The following HYDIN variants were observed in gnomAD, a reference collection of about 807,000 sequenced individuals.
The protein encoded by HYDIN is HYDIN axonemal central pair apparatus protein, also known as axonemal central pair apparatus protein HYDIN.
In HYDIN, 132 loss-of-function variants were observed where a neutral mutation model predicts 403.9. The ratio of observed to expected loss-of-function variants is 0.33; its 90% CI spans 0.28 to 0.38. HYDIN has a LOEUF of 0.38. Ranked by LOEUF, HYDIN falls within the 10% of genes least tolerant of loss-of-function variation. The pLI is 1.00. For synonymous variants in HYDIN, 1,202 were observed against 1,891.7 expected, an observed-to-expected ratio of 0.64 and a Z score of 9.46; for missense variants, 2,827 against 5,009.5, an observed-to-expected ratio of 0.56 and a Z score of 13.15.
chr16:71,126,611 G>T (rs2084472073), intron 9 of HYDIN, among the ~76,000 whole-genome samples: 1 of 151,254 alleles, frequency 6.6e-6, no homozygotes, highest in South Asian at 2.1e-4. Flanking sequence ...CTCCTCCTGA[G>T]GATGGGTGGC....
chr16:70,954,526 T>G (rs1303128303), intron 40 of HYDIN, among the ~76,000 whole-genome samples: 2 of 152,140 alleles, frequency 1.3e-5, no homozygotes, highest in Admixed American at 1.3e-4. Context: ...ATTTATTTTC[T>G]TCTCCAGCAA....
chr16:70,973,030 C>A (rs535025849), intron 35 of HYDIN, among the ~76,000 whole-genome samples: 21 of 152,218 alleles, frequency 1.4e-4, no homozygotes, highest in African/African-American at 5.1e-4. Flanking sequence ...ACTATTTTTT[C>A]TTTTATCTAT....
At chr16:71,118,326 T>C (rs948849595) in intron 9 of HYDIN, among the ~76,000 whole-genome samples, 2 of 149,640 alleles carry the variant, frequency 1.3e-5, no homozygotes, top group African/African-American at 5.0e-5. Flanking sequence ...GAATGAAGGC[T>C]CCATAAGGGT....
At chr16:70,890,493 A>T (rs2041404275) in intron 57 of HYDIN, among the ~76,000 whole-genome samples, 1 of 152,222 alleles carries the variant, frequency 6.6e-6, no homozygotes, top group Non-Finnish European at 1.5e-5. Flanking sequence ...ACACAATTCA[A>T]CTCTACATTT....
At chr16:70,987,347 A>C (rs1416499585) in intron 27 of HYDIN, among the ~76,000 whole-genome samples, 1 of 150,786 alleles carries the variant, frequency 6.6e-6, no homozygotes, top group African/African-American at 2.4e-5. Context: ...CAGGATGACA[A>C]CACCATTTTG....
chr16:70,958,450 T>C (rs2078309316), intron 39 of HYDIN, among the ~76,000 whole-genome samples: 1 of 152,190 alleles, frequency 6.6e-6, no homozygotes, highest in African/African-American at 2.4e-5. Context: ...GGTCAGTGCC[T>C]TTTTGGTGTT....
chr16:71,139,991 G>A (rs7189980), intron 7 of HYDIN, among the ~76,000 whole-genome samples: 4,420 of 151,884 alleles, frequency 0.029, 187 homozygotes, highest in African/African-American at 0.1. Flanking sequence ...CCTGAAAGCA[G>A]CCTGAGGAAA....
intron 1 of HYDIN, among the ~76,000 whole-genome samples, chr16:71,225,861 CAT>C (rs769724305): frequency 1.3e-3 from 203 of 152,152 alleles, no homozygotes; most frequent in East Asian, 9.7e-4. Context: ...GCTAACAAAA[CAT>C]GTGCAAAAGT....
intron 18 of HYDIN, among the ~76,000 whole-genome samples, chr16:71,050,593 T>C (rs1481286646): frequency 6.6e-6 from 1 of 152,184 alleles, no homozygotes; most frequent in East Asian, 1.9e-4. Flanking sequence ...ATCTTTTTAC[T>C]GTCTCCATAG....
At chr16:71,073,246 T>G (rs546676542) in intron 13 of HYDIN, among the ~76,000 whole-genome samples, 2 of 152,124 alleles carry the variant, frequency 1.3e-5, no homozygotes, top group Non-Finnish European at 2.9e-5. Flanking sequence ...TTTCATCATT[T>G]TGCCATATTA....
chr16:71,025,604 A>T (rs2080663676), intron 20 of HYDIN, 78 bp from the exon 21 acceptor site: 1 of 105,972 alleles, frequency 9.4e-6, no homozygotes, highest in Admixed American at 1.1e-4. Context: ...ACCCACTGAG[A>T]GAAAATGGAT....
chr16:71,204,491 T>C (rs1263529480), intron 1 of HYDIN, among the ~76,000 whole-genome samples: 5 of 152,272 alleles, frequency 3.3e-5, no homozygotes, highest in South Asian at 4.1e-4. Context: ...GCTTTCAACA[T>C]TGATCACTGG....
At chr16:71,156,624 C>T (rs376589331) in intron 6 of HYDIN, among the ~76,000 whole-genome samples, 3 of 151,944 alleles carry the variant, frequency 2.0e-5, no homozygotes, top group East Asian at 1.9e-4. Flanking sequence ...GTTTTTGTTC[C>T]ATCAATTATG....
rs1490056262 is a variant in HYDIN, at chr16:71,055,719, C to A, written c.2529+4785G>T. Among the ~76,000 whole-genome samples, 4 of 151,868 alleles carry A rather than the reference C, an allele frequency of 2.6e-5. No individual in the cohort carries two copies. In the South Asian group the frequency reaches 8.3e-4, roughly 32 times the overall value. ...AATTCTAAGTATCTCATTACAATGG[C>A]CTTTCTCTGCAGATCACGGAGGCAG... On this transcript the variant is annotated intron_variant, in intron 18 of 85. Transcript: ENST00000393567.
chr16:70,902,821 A>ATTTTTTTTTTTTTTTTTT (rs60618592), intron 52 of HYDIN, among the ~76,000 whole-genome samples: 5 of 47,288 alleles, frequency 1.1e-4, no homozygotes, highest in South Asian at 7.5e-4. Context: ...ATATATATAT[A>ATTTTTTTTTTTTTTTTTT]TTTTTTTTTT....
At chr16:71,205,323 C>T (rs2088236977) in intron 1 of HYDIN, among the ~76,000 whole-genome samples, 1 of 152,178 alleles carries the variant, frequency 6.6e-6, no homozygotes, top group Admixed American at 6.5e-5. Flanking sequence ...CAGCGTGGAG[C>T]CAGGAGAGGC....
chr16:71,175,786 C>G, intron 4 of HYDIN, 45 bp from the exon 5 acceptor site: 1 of 1,600,616 alleles, frequency 6.2e-7, no homozygotes, highest in Non-Finnish European at 8.6e-7. Context: ...TGTGAAAAAG[C>G]AGAGTTAAAC....
intron 1 of HYDIN, among the ~76,000 whole-genome samples, chr16:71,218,782 C>T (rs190336307): frequency 6.6e-6 from 1 of 152,234 alleles, no homozygotes; most frequent in East Asian, 1.9e-4. Flanking sequence ...TTTATTAAAT[C>T]GTAATTCCCT....
At position 70,855,111 on chromosome 16, in the gene HYDIN, C is replaced by G; in HGVS notation, c.12443+17G>C. ...TCAGGAGGATGCAAACAAAATGAGA[C>G]CTTCATTTTTGTTTACCTGGACAGT... On this transcript the variant is annotated intron_variant, in intron 73 of 85. Transcript: ENST00000393567. The G allele has an allele frequency of 9.2e-7, 1 of 1,085,830 alleles. No individual in the cohort carries two copies. 67.3% of individuals were successfully genotyped at this position (1,085,830 alleles called of 1,614,324 possible). A position where few individuals can be genotyped will look rare whatever the true frequency, so the allele number is the denominator to read the frequency against.
Sources: gnomAD v4.1 joint callset for allele counts (sites outside exome capture counted in the v4.1 genomes callset) on GRCh38, gnomAD v4.1.1 for gene constraint, MANE v1.5 for transcripts, NCBI Gene and HGNC (gene_info 2026-07-23, HGNC 2026-07-21) for gene names.